SVEP1: variants seen among roughly 807,000 people sequenced by gnomAD.
The protein encoded by SVEP1 is sushi, von Willebrand factor type A, EGF and pentraxin domain containing 1.
A neutral mutation model predicts 367.3 loss-of-function variants in SVEP1; 164 were observed. The ratio of observed to expected loss-of-function variants is 0.45; its 90% CI spans 0.39 to 0.51. The LOEUF (loss-of-function observed/expected upper bound fraction) is 0.51, where lower values mean the gene tolerates loss of function less well. SVEP1 is among the 20% of genes least tolerant of loss of function. SVEP1 has a pLI of 0.00. For missense variants in SVEP1, 4,117 were observed against 4,425.3 expected (o/e 0.93, Z 1.98); for synonymous variants, 1,666 against 1,611.6 (o/e 1.03, Z -0.81).
chr9:110,573,596 G>A (rs1333431611), intron 1 of SVEP1, among the ~76,000 whole-genome samples: 19 of 151,794 alleles, frequency 1.3e-4, no homozygotes, highest in African/African-American at 3.1e-4. Context: ...AGCTTCATGC[G>A]ATGTTTGTTT....
At chr9:110,511,492 T>A (rs891042558) in intron 5 of SVEP1, among the ~76,000 whole-genome samples, 1 of 14,724 alleles carries the variant, frequency 6.8e-5, no homozygotes, top group African/African-American at 2.4e-4. Context: ...CAGTACCTTT[T>A]TTTTTTTTTT....
intron 17 of SVEP1, among the ~76,000 whole-genome samples, chr9:110,467,422 TGATA>T (rs1271944669): frequency 2.6e-5 from 4 of 152,278 alleles, no homozygotes; most frequent in African/African-American, 4.8e-5. Context: ...AGAATCCAGC[TGATA>T]GATATAGTTT....
In SVEP1 at chr9:110,408,743, A is replaced by C; in HGVS notation, c.6857T>G (p.Val2286Gly). The C allele has an allele frequency of 6.2e-7, 1 of 1,613,868 alleles. No individual in the cohort carries two copies. Among genetic ancestry groups the C allele is most frequent in the Non-Finnish European group, 8.5e-7 (1 of 1,179,886 alleles). The stretch of plus-strand genomic sequence containing the variant: ...ATAACCCTCATTACAGAAAAACTGA[A>C]CCTTGGACCCTACTTCAAAGTTTTC... ...KGENFEVGSK[V>G]QFFCNEGYEL... is the part of the protein sequence containing the mutation. The change falls in exon 38 of 48, where the codon GTT becomes GGT. Residue 2286 changes from valine (V) to glycine (G), a missense_variant. By Grantham distance (109) the Val-to-Gly change is moderately radical (BLOSUM62 -3). Around this residue, in one of 4 missense-constraint regions of SVEP1, gnomAD observed 1,765 missense variants for 1,781.1 expected, o/e 0.99. Coordinates refer to ENST00000374469, the MANE Select transcript of SVEP1 (RefSeq NM_153366.4).
Position 110,375,387 on chromosome 9 carries a change from C to G in SVEP1, c.10581G>C (p.Thr3527=). ...GCCTACCTGTATGACAGCGAGACCCCGTCCAGCCAGGCGGGCAGTCACACT... is the reference window on the plus strand; with the variant it reads ...GCCTACCTGTATGACAGCGAGACCCGGTCCAGCCAGGCGGGCAGTCACACT... ...PYQCDCPPGW[T]GSRCHTAVCQ... The change falls in exon 46 of 48, where the codon ACG becomes ACC. Residue 3527 remains threonine, a synonymous_variant. Coordinates refer to ENST00000374469, the MANE Select transcript of SVEP1 (RefSeq NM_153366.4). The G allele has an allele frequency of 6.4e-7, 1 of 1,550,540 alleles. No individual in the cohort carries two copies. The highest frequency in any genetic ancestry group is 2.4e-5 in the East Asian group (1 of 40,986).
At chr9:110,438,145 G>A (rs141743818) in intron 27 of SVEP1, among the ~76,000 whole-genome samples, 19 of 145,120 alleles carry the variant, frequency 1.3e-4, no homozygotes, top group African/African-American at 1.5e-4. Context: ...TCTTGAACGC[G>A]TTCTCATTTC....
intron 7 of SVEP1, 82 bp from the exon 8 acceptor site, chr9:110,497,015 A>G: frequency 1.2e-6 from 1 of 857,300 alleles, no homozygotes; most frequent in Non-Finnish European, 1.8e-6. Flanking sequence ...AAATCTAGTT[A>G]TATTAATACA....
chr9:110,402,202 TC>T (rs1192759847), intron 39 of SVEP1, among the ~76,000 whole-genome samples: 1 of 152,184 alleles, frequency 6.6e-6, no homozygotes, highest in Non-Finnish European at 1.5e-5. Flanking sequence ...TTGTGATGAC[TC>T]CTTTATCAGA....
At chr9:110,448,001 T>C (rs1404130615) in intron 24 of SVEP1, among the ~76,000 whole-genome samples, 3 of 152,222 alleles carry the variant, frequency 2.0e-5, no homozygotes, top group African/African-American at 7.2e-5. Context: ...TATGTTATGA[T>C]ACCACTTATG....
Position 110,400,972 on chromosome 9 carries a change from G to C in SVEP1, c.9704C>G (p.Ser3235Cys). 6.2e-7 allele frequency: 1 copy of C among 1,613,828 alleles called. No homozygotes were observed. The highest frequency in any genetic ancestry group is 8.5e-7 in the Non-Finnish European group (1 of 1,179,828). Residue 3235 changes from serine to cysteine, a missense_variant, in exon 40 of 48, where the codon TCT becomes TGT. Transcript: ENST00000374469. ...GTWEPPFSDE[S>C]CSPVSCGKPE... ...TTTCCCACAAGAAACTGGACTGCAA[G>C]ATTCATCGGAGAATGGTGGCTCCCA... is the stretch of plus-strand genomic sequence containing the variant.
intron 18 of SVEP1, among the ~76,000 whole-genome samples, chr9:110,461,167 C>T (rs985840786): frequency 1.7e-4 from 26 of 152,110 alleles, no homozygotes; most frequent in African/African-American, 4.6e-4. Flanking sequence ...CTAAAAATGG[C>T]CTCAAACATA....
chr9:110,379,459 A>T lies in SVEP1; in HGVS notation c.10296T>A (p.Tyr3432Ter). 2 of 1,613,838 alleles carry T rather than the reference A, an allele frequency of 1.2e-6. No individual in the cohort carries two copies. Among genetic ancestry groups the T allele is most frequent in the Non-Finnish European group, 1.7e-6 (2 of 1,179,802 alleles). The change falls in exon 44 of 48, where the codon TAT becomes TAA. Residue 3432 changes from tyrosine to a stop codon, truncating the protein, a stop_gained. Transcript: ENST00000374469. LOFTEE classifies it high-confidence loss of function. ...AGTAGGTGATCATGTCTCCATATTGATAATGTACGCCTCGAGCAATTGCAT... is the reference window on the plus strand; with the variant it reads ...AGTAGGTGATCATGTCTCCATATTGTTAATGTACGCCTCGAGCAATTGCAT... The part of the protein sequence containing the change: ...VENAIARGVH[Y>*]QYGDMITYSC...
chr9:110,397,433 T>C (rs1194671826), intron 40 of SVEP1, among the ~76,000 whole-genome samples: 7 of 149,726 alleles, frequency 4.7e-5, no homozygotes, highest in Admixed American at 4.7e-4. Context: ...AAAACTGGCA[T>C]AAGACAGGGA....
intron 40 of SVEP1, among the ~76,000 whole-genome samples, chr9:110,400,163 G>T: frequency 6.6e-6 from 1 of 152,274 alleles, no homozygotes; most frequent in South Asian, 2.1e-4. Flanking sequence ...CATTGTTTGA[G>T]GAAATCCTGG....
chr9:110,435,031 A>G (rs1828412777), intron 29 of SVEP1, among the ~76,000 whole-genome samples: 1 of 152,130 alleles, frequency 6.6e-6, no homozygotes, highest in African/African-American at 2.4e-5. Context: ...CAAATTTCCT[A>G]ATTATATTTT....
chr9:110,404,742 G>A (rs1827929432), intron 38 of SVEP1, among the ~76,000 whole-genome samples, 190 bp from the exon 39 acceptor site: 1 of 152,128 alleles, frequency 6.6e-6, no homozygotes, highest in African/African-American at 2.4e-5. Context: ...ACAACCAGTT[G>A]AGCTGGGTGC....
At chr9:110,544,364 A>C (rs1045525788) in intron 3 of SVEP1, among the ~76,000 whole-genome samples, 2 of 152,222 alleles carry the variant, frequency 1.3e-5, no homozygotes, top group Non-Finnish European at 2.9e-5. Context: ...CAGTTTTCCA[A>C]AACAGCTAAT....
intron 1 of SVEP1, among the ~76,000 whole-genome samples, chr9:110,578,672 C>T (rs1441796188): frequency 1.3e-5 from 2 of 152,108 alleles, no homozygotes; most frequent in African/African-American, 4.8e-5. Flanking sequence ...CCTTTAGAAA[C>T]ACTTTGTAAA....
rs752080398 is a variant in SVEP1 at position 110,499,143 on chromosome 9, C to T, written c.1579G>A (p.Val527Ile). The T allele has an allele frequency of 6.2e-7, 1 of 1,613,794 alleles. No individual in the cohort carries two copies. The highest frequency in any genetic ancestry group is 8.5e-7 in the Non-Finnish European group (1 of 1,179,808). Reference protein sequence around the residue: ...QPAKFGTICYVSCRQGFILSG... With the variant: ...QPAKFGTICYISCRQGFILSG... ...AAAATGAACCCTTGGCGGCAACTTA[C>T]ATAGCAGATCGTCCCAAATTTGGCT... Residue 527 changes from valine (V) to isoleucine (I), a missense_variant, in exon 7 of 48, where the codon GTA becomes ATA. Around this residue, in one of 4 missense-constraint regions of SVEP1, gnomAD observed 2,174 missense variants for 2,494.3 expected, o/e 0.87. Transcript: ENST00000374469.
chr9:110,400,469 C>T (rs1172600423), intron 40 of SVEP1, among the ~76,000 whole-genome samples: 4 of 151,924 alleles, frequency 2.6e-5, no homozygotes, highest in East Asian at 1.9e-4. Flanking sequence ...CGGGTTCAAG[C>T]GATTCTCCTG....
Sources: allele counts gnomAD v4.1 joint callset (sites outside exome capture counted in the v4.1 genomes callset), GRCh38; gene constraint gnomAD v4.1.1; regional missense constraint gnomAD v4.1.1; transcripts MANE v1.5; gene names NCBI Gene and HGNC (gene_info 2026-07-23, HGNC 2026-07-21).